The following NEBL variants were observed in gnomAD, a reference collection of about 807,000 sequenced individuals.
NEBL encodes nebulette.
In NEBL, 122 loss-of-function variants were observed where a neutral mutation model predicts 140.2. The ratio of observed to expected loss-of-function variants is 0.87; its 90% CI spans 0.75 to 1.01. The LOEUF is 1.01. Among genes scored for constraint, NEBL ranks in the 50% least tolerant of loss-of-function variants. The probability of loss-of-function intolerance (pLI) is 0.00; values close to 1 mark genes in which losing one functional copy is unlikely to be tolerated. For synonymous variants in NEBL, 436 were observed against 398.9 expected (o/e 1.09, Z -1.11); for missense variants, 1,365 against 1,231.3 (o/e 1.11, Z -1.62).
At chr10:21,284,210 CAAAAAAAAAAA>C (rs35693200) in intron 1 of NEBL, among the ~76,000 whole-genome samples, 2 of 37,190 alleles carry the variant, frequency 5.4e-5, no homozygotes, top group African/African-American at 2.3e-4. Flanking sequence ...ACTCCGTCTC[CAAAAAAAAAAA>C]AAAAAAAAAA....
chr10:20,875,465 T>C (rs1845404658), intron 5 of NEBL, among the ~76,000 whole-genome samples: 1 of 152,224 alleles, frequency 6.6e-6, no homozygotes, highest in Admixed American at 6.5e-5. Context: ...ATTTTGAAAG[T>C]GGATGTGAAA....
intron 3 of NEBL, among the ~76,000 whole-genome samples, chr10:21,196,157 C>A (rs1434118027): frequency 6.6e-6 from 1 of 151,794 alleles, no homozygotes; most frequent in Non-Finnish European, 1.5e-5. Flanking sequence ...GCACGCACCA[C>A]CATGCCTGGC....
intron 2 of NEBL, among the ~76,000 whole-genome samples, chr10:21,129,440 T>G (rs1169584742): frequency 6.6e-6 from 1 of 151,998 alleles, no homozygotes; most frequent in Admixed American, 6.6e-5. Context: ...TTACAGAATT[T>G]TGTTCAAAAT....
At chr10:20,928,765 C>T (rs1312987944) in intron 4 of NEBL, among the ~76,000 whole-genome samples, 3 of 152,184 alleles carry the variant, frequency 2.0e-5, no homozygotes, top group Non-Finnish European at 4.4e-5. Context: ...TCTTGTATCA[C>T]CGGTTTCTCC....
chr10:20,847,617 GA>G (rs1408870808), intron 11 of NEBL, among the ~76,000 whole-genome samples: 2 of 152,072 alleles, frequency 1.3e-5, no homozygotes, highest in Non-Finnish European at 2.9e-5. Flanking sequence ...GATCAAAGAA[GA>G]GGGGAGGGGG....
intron 26 of NEBL, among the ~76,000 whole-genome samples, chr10:20,791,562 AT>A (rs879482594): frequency 5.4e-4 from 79 of 146,220 alleles, no homozygotes; most frequent in Admixed American, 7.5e-4. Flanking sequence ...TGCCCAGCTG[AT>A]TTTTTTTTTT....
At position 20,812,851 on chromosome 10, in the gene NEBL, G is replaced by C; in HGVS notation, c.2436C>G (p.Asn812Lys). 6.2e-7 allele frequency: 1 copy of C among 1,613,954 alleles called. No homozygotes were observed. The highest frequency in any genetic ancestry group is 8.5e-7 in the Non-Finnish European group (1 of 1,179,894). The change falls in exon 24 of 28, where the codon AAC becomes AAG. Residue 812 changes from asparagine (N) to lysine (K), a missense_variant. Physicochemically the swap from Asn to Lys is moderately conservative, Grantham distance 94 (BLOSUM62 0). Coordinates refer to ENST00000377122, the MANE Select transcript of NEBL (RefSeq NM_006393.3). ...DDPVTERVRKNTQVVSDAAYK... is the reference protein window; with the variant it reads ...DDPVTERVRKKTQVVSDAAYK... ...AGGCAGCATCGCTGACCACCTGGGT[G>C]TTCTTCCTCACTCTCTCTGTCACAG... is the stretch of plus-strand genomic sequence containing the variant.
chr10:20,918,355 C>A lies in NEBL; in HGVS notation c.357+43317G>T, dbSNP rs184031179. The stretch of plus-strand genomic sequence containing the variant: ...CCTGGGTAACAGAGCAAGACTCTGT[C>A]TCAAAAAAAAGAATCCAAGCTCCAC... On this transcript the variant is annotated intron_variant, in intron 4 of 6. Transcript: ENST00000417816. 1.4e-4 allele frequency among the ~76,000 whole-genome samples: 21 copies of A among 151,936 alleles called. No homozygotes were observed. In the East Asian group the frequency reaches 2.1e-3, roughly 15 times the overall value.
chr10:20,955,552 A>G (rs998785974), intron 4 of NEBL, among the ~76,000 whole-genome samples: 1 of 152,238 alleles, frequency 6.6e-6, no homozygotes, highest in Admixed American at 6.5e-5. Context: ...GTAGTGAAAG[A>G]TAAGGTGAAA....
At position 21,173,269 on chromosome 10, in the gene NEBL, A is replaced by G. The variant is rs117984816; in HGVS notation, c.69+496T>C. 1.4e-3 allele frequency among the ~76,000 whole-genome samples: 206 copies of G among 152,192 alleles called. 4 individuals are homozygous for G. In the East Asian group the frequency reaches 0.036, roughly 26 times the overall value. On this transcript the variant is annotated intron_variant, in intron 1 of 6. Transcript: ENST00000417816. This position sits in a 1 kb window ranked among gnomAD's most constrained non-coding sequence, Gnocchi z 5.7. The stretch of plus-strand genomic sequence containing the variant: ...GAGCTCTCCAGCAGGGATTATTCTT[A>G]GCAATGCGGCAGCGGCCGCCCCATG...
intron 3 of NEBL, among the ~76,000 whole-genome samples, chr10:20,967,659 T>C (rs1360419353): frequency 6.7e-6 from 1 of 150,108 alleles, no homozygotes; most frequent in Admixed American, 6.6e-5. Flanking sequence ...TACTGGTGAA[T>C]GTATGGTGGG....
intron 2 of NEBL, among the ~76,000 whole-genome samples, chr10:21,061,940 G>A (rs1408033054): frequency 1.3e-5 from 2 of 152,200 alleles, no homozygotes; most frequent in South Asian, 4.1e-4. Flanking sequence ...CACAGAGCTA[G>A]ATGACTCACA....
At chr10:21,064,932 A>T (rs1835469422) in intron 2 of NEBL, among the ~76,000 whole-genome samples, 1 of 152,114 alleles carries the variant, frequency 6.6e-6, no homozygotes, top group Non-Finnish European at 1.5e-5. Context: ...TAAGAATGAG[A>T]TAGAAAAAAA....
chr10:20,832,495 C>T (rs1292949534), intron 14 of NEBL, among the ~76,000 whole-genome samples: 2 of 151,986 alleles, frequency 1.3e-5, no homozygotes, highest in East Asian at 3.9e-4. Flanking sequence ...TACATAGACA[C>T]ACATGTCTTT....
chr10:20,858,232 C>T lies in NEBL; in HGVS notation c.903+8G>A. On this transcript the variant is annotated splice_region_variant and intron_variant, in intron 9 of 27. Coordinates refer to ENST00000377122, the MANE Select transcript of NEBL (RefSeq NM_006393.3). The stretch of plus-strand genomic sequence containing the variant: ...GCAACTACGGTTGCCGCTAGATGAA[C>T]CACTTACGCCGCTGAGCATTTTGCT... 1 of 1,586,176 alleles carries T rather than the reference C, an allele frequency of 6.3e-7. No individual in the cohort carries two copies. Among genetic ancestry groups the T allele is most frequent in the Non-Finnish European group, 8.7e-7 (1 of 1,154,696 alleles).
chr10:20,911,245 C>T (rs1221818101), intron 4 of NEBL, among the ~76,000 whole-genome samples: 1 of 152,104 alleles, frequency 6.6e-6, no homozygotes, highest in Non-Finnish European at 1.5e-5. Flanking sequence ...TCATAAAATA[C>T]TCATAAACTC....
chr10:21,267,580 T>C (rs1842811770), intron 1 of NEBL, among the ~76,000 whole-genome samples: 1 of 152,210 alleles, frequency 6.6e-6, no homozygotes, highest in Admixed American at 6.5e-5. Context: ...CACGCAAGAC[T>C]TCTCCTTGGA....
chr10:20,912,657 ATTTCCTACTTACG>A (rs1287035453), intron 4 of NEBL, among the ~76,000 whole-genome samples: 1 of 151,900 alleles, frequency 6.6e-6, no homozygotes, highest in Non-Finnish European at 1.5e-5. Context: ...TCATTTCAGC[ATTTCCTACTTACG>A]TTGCACCTAG....
At chr10:21,117,213 C>A (rs556355181) in intron 2 of NEBL, among the ~76,000 whole-genome samples, 1 of 151,860 alleles carries the variant, frequency 6.6e-6, no homozygotes, top group East Asian at 1.9e-4. Context: ...TCCCTGAGAA[C>A]CAGGGCCTTT....
Sources: allele counts gnomAD v4.1 joint callset (sites outside exome capture counted in the v4.1 genomes callset), GRCh38; gene constraint gnomAD v4.1.1; non-coding constraint Gnocchi (gnomAD v3.1); transcripts MANE v1.5; gene names NCBI Gene and HGNC (gene_info 2026-07-23, HGNC 2026-07-21).